The following CD80 variants were observed in gnomAD, a reference collection of about 807,000 sequenced individuals.
The protein encoded by CD80 is CD80 molecule.
In CD80, 13 loss-of-function variants were observed where a neutral mutation model predicts 27.1. That is an observed-to-expected ratio of 0.48 (90% confidence interval 0.31 to 0.76). The LOEUF is 0.76. Ranked by LOEUF, CD80 falls within the 30% of genes least tolerant of loss-of-function variation. The pLI is 0.04. For missense variants in CD80, 277 were observed against 347.9 expected (o/e 0.80, Z 1.62); for synonymous variants, 125 against 125.5 (o/e 1.00, Z 0.03).
chr3:119,551,309 G>A (rs1444002729), intron 2 of CD80, among the ~76,000 whole-genome samples: 7 of 152,160 alleles, frequency 4.6e-5, no homozygotes, highest in African/African-American at 1.4e-4. Context: ...ATTTGAATGT[G>A]TCCCCTAAAG....
chr3:119,549,308 A>G (rs73854857), intron 2 of CD80, among the ~76,000 whole-genome samples: 10,900 of 152,270 alleles, frequency 0.072, 1,274 homozygotes, highest in African/African-American at 0.25. Flanking sequence ...GCCAAGAAAT[A>G]TCAGCATATC....
intron 4 of CD80, among the ~76,000 whole-genome samples, chr3:119,532,353 A>G (rs1431989968): frequency 1.3e-5 from 2 of 152,066 alleles, no homozygotes; most frequent in African/African-American, 4.8e-5. Context: ...AGTACAAAAA[A>G]TTATCGGTGG....
At chr3:119,549,144 C>G (rs2082216808) in intron 2 of CD80, among the ~76,000 whole-genome samples, 1 of 152,164 alleles carries the variant, frequency 6.6e-6, no homozygotes, top group African/African-American at 2.4e-5. Flanking sequence ...TACCTTTGGA[C>G]TATTTCTACC....
At chr3:119,526,267 G>A (rs1483486164) in intron 6 of CD80, among the ~76,000 whole-genome samples, 3 of 152,190 alleles carry the variant, frequency 2.0e-5, no homozygotes, top group Non-Finnish European at 4.4e-5. Flanking sequence ...TGCTATAGAG[G>A]TGGAACTGCT....
At chr3:119,536,682 A>C (rs1184437934) in intron 4 of CD80, among the ~76,000 whole-genome samples, 1 of 152,216 alleles carries the variant, frequency 6.6e-6, no homozygotes, top group African/African-American at 2.4e-5. Context: ...TCATTTGTAT[A>C]TCTAAAAACA....
At chr3:119,557,604 A>G in intron 2 of CD80, 25 bp downstream of exon 2, 1 of 1,550,390 alleles carries the variant, frequency 6.4e-7, no homozygotes, top group Non-Finnish European at 8.9e-7. Flanking sequence ...CAGTTGACTC[A>G]GTTAAGTTCC....
chr3:119,539,765 A>G (rs745817316), intron 3 of CD80, among the ~76,000 whole-genome samples: 4 of 152,242 alleles, frequency 2.6e-5, no homozygotes, highest in Non-Finnish European at 5.9e-5. Flanking sequence ...CTTTCTTTTC[A>G]GAATTCTGAG....
chr3:119,526,121 G>C (rs1418049176), intron 6 of CD80, among the ~76,000 whole-genome samples: 2 of 152,102 alleles, frequency 1.3e-5, no homozygotes, highest in Non-Finnish European at 2.9e-5. Context: ...ACGACCAAAT[G>C]CTTGATCAAG....
rs1399732759 is a variant in CD80 at position 119,559,429 on chromosome 3, A to C, written c.-201+11T>G. On this transcript the variant is annotated intron_variant, in intron 1 of 6. Transcript: ENST00000264246. ...GCTATCCCATAGTAAGATAATAGTAAATGTACTTACTTGCTGAAGAAAAAT... is the reference window on the plus strand; with the variant it reads ...GCTATCCCATAGTAAGATAATAGTACATGTACTTACTTGCTGAAGAAAAAT... 1 of 152,154 alleles carries C rather than the reference A, an allele frequency of 6.6e-6. No individual in the cohort carries two copies. Among genetic ancestry groups the C allele is most frequent in the East Asian group, 1.9e-4 (1 of 5,194 alleles). 9.4% of individuals were successfully genotyped at this position (152,154 alleles called of 1,614,324 possible). A position where few individuals can be genotyped will look rare whatever the true frequency, so the allele number is the denominator to read the frequency against.
intron 2 of CD80, among the ~76,000 whole-genome samples, chr3:119,553,337 A>C (rs1176622879): frequency 6.6e-6 from 1 of 151,994 alleles, no homozygotes; most frequent in African/African-American, 2.4e-5. Context: ...ACAGGGTTTT[A>C]CCATGTTGGC....
chr3:119,556,009 C>T (rs189747988), intron 2 of CD80, among the ~76,000 whole-genome samples: 95 of 152,292 alleles, frequency 6.2e-4, no homozygotes, highest in Non-Finnish European at 1.2e-3. Flanking sequence ...TCTTGGGCTC[C>T]TACAATCAGG....
At chr3:119,533,100 C>A (rs1433216807) in intron 4 of CD80, among the ~76,000 whole-genome samples, 1 of 152,194 alleles carries the variant, frequency 6.6e-6, no homozygotes, top group Non-Finnish European at 1.5e-5. Context: ...TCCTGGCTTC[C>A]ACTCCACACC....
chr3:119,541,903 C>T (rs1016785154), intron 3 of CD80, among the ~76,000 whole-genome samples: 1 of 152,054 alleles, frequency 6.6e-6, no homozygotes, highest in Non-Finnish European at 1.5e-5. Flanking sequence ...GGGCCTGCCC[C>T]CCTTGAAATG....
At chr3:119,526,841 G>T (rs892189833) in intron 6 of CD80, among the ~76,000 whole-genome samples, 1 of 151,806 alleles carries the variant, frequency 6.6e-6, no homozygotes, top group Non-Finnish European at 1.5e-5. Context: ...TCCTATACTG[G>T]TGTTACTCTA....
rs557197197 is a variant in CD80, at chr3:119,542,848, A to G, written c.418+1702T>C. Among the ~76,000 whole-genome samples the G allele has an allele frequency of 3.3e-5, 5 of 152,334 alleles. No individual in the cohort carries two copies. The East Asian group carries it at 9.7e-4, about 29-fold the overall frequency. ...GCCACAAGATTAGAAATTATGGTTT[A>G]GGAGTCATAAAGCTGGATGCTATGA... On this transcript the variant is annotated intron_variant, in intron 3 of 6. Transcript: ENST00000264246.
chr3:119,552,347 C>T (rs998060282), intron 2 of CD80, among the ~76,000 whole-genome samples: 1 of 151,722 alleles, frequency 6.6e-6, no homozygotes, highest in Non-Finnish European at 1.5e-5. Flanking sequence ...ATTAGCCAGG[C>T]GTGGTGGCGG....
In CD80 at chr3:119,543,846, C is replaced by T. The variant is rs572889245; in HGVS notation, c.418+704G>A. On this transcript the variant is annotated intron_variant, in intron 3 of 6. Coordinates refer to ENST00000264246, the MANE Select transcript of CD80 (RefSeq NM_005191.4). ...ATAGTAAGATAGCCATAGTAATAGACGTTCACATACTACCTGAAAAAGATT... is the reference window on the plus strand; with the variant it reads ...ATAGTAAGATAGCCATAGTAATAGATGTTCACATACTACCTGAAAAAGATT... Among the ~76,000 whole-genome samples, 6 of 150,756 alleles carry T rather than the reference C, an allele frequency of 4.0e-5. No homozygotes were observed. The South Asian group carries it at 6.3e-4, about 16-fold the overall frequency.
intron 3 of CD80, among the ~76,000 whole-genome samples, chr3:119,540,026 C>T (rs774004651): frequency 2.0e-5 from 3 of 152,324 alleles, no homozygotes; most frequent in East Asian, 3.9e-4. Flanking sequence ...GTGGCACCAT[C>T]TTGGCTTACT....
chr3:119,533,707 C>T (rs974513873), intron 4 of CD80, among the ~76,000 whole-genome samples: 2 of 152,186 alleles, frequency 1.3e-5, no homozygotes, highest in East Asian at 1.9e-4. Context: ...ATTTGTGAGG[C>T]CTCCCCAGCC....
Sources: allele counts gnomAD v4.1 joint callset (sites outside exome capture counted in the v4.1 genomes callset), GRCh38; gene constraint gnomAD v4.1.1; transcripts MANE v1.5; gene names NCBI Gene and HGNC (gene_info 2026-07-23, HGNC 2026-07-21).